The following ARHGEF12 variants were observed in gnomAD, a reference collection of about 807,000 sequenced individuals.
ARHGEF12 encodes the protein KMT2A/ARHGEF12 fusion protein.
A neutral mutation model predicts 211.2 loss-of-function variants in ARHGEF12; 66 were observed. The ratio of observed to expected loss-of-function variants is 0.31; its 90% CI spans 0.26 to 0.38. The LOEUF (loss-of-function observed/expected upper bound fraction) is 0.38, where lower values mean the gene tolerates loss of function less well. Among genes scored for constraint, ARHGEF12 ranks in the 10% least tolerant of loss-of-function variants. The pLI is 1.00. For synonymous variants in ARHGEF12, 592 were observed against 638.4 expected, an observed-to-expected ratio of 0.93 and a Z score of 1.09; for missense variants, 1,429 against 1,869.5, an observed-to-expected ratio of 0.76 and a Z score of 4.34.
intron 1 of ARHGEF12, among the ~76,000 whole-genome samples, chr11:120,338,378 C>T (rs1032105125): frequency 6.6e-6 from 1 of 152,134 alleles, no homozygotes. Context: ...TTTAAAAGGG[C>T]CAAATTCCAT....
chr11:120,426,624 A>G (rs953313783), intron 7 of ARHGEF12, among the ~76,000 whole-genome samples: 6 of 152,212 alleles, frequency 3.9e-5, no homozygotes, highest in Non-Finnish European at 7.3e-5. Context: ...ATAGAGAGCA[A>G]TAAGATTGAA....
intron 11 of ARHGEF12, 142 bp from the exon 12 acceptor site, chr11:120,437,166 G>GA (rs1945717932): frequency 1.9e-6 from 1 of 535,600 alleles, no homozygotes; most frequent in African/African-American, 2.0e-5. Context: ...AAAAGTAGCA[G>GA]AACCAAGCAT....
At chr11:120,367,629 G>C (rs889155316) in intron 1 of ARHGEF12, among the ~76,000 whole-genome samples, 1 of 152,086 alleles carries the variant, frequency 6.6e-6, no homozygotes, top group African/African-American at 2.4e-5. Context: ...CTCCCAAAGT[G>C]CTGGGATTAC....
chr11:120,448,670 T>C (rs570733780), intron 20 of ARHGEF12: 33 of 335,248 alleles, frequency 9.8e-5, no homozygotes, highest in Non-Finnish European at 1.1e-4. Flanking sequence ...GTCATGAACA[T>C]CTTTAGTGGC....
chr11:120,429,506 G>GA lies in ARHGEF12; in HGVS notation c.654dup (p.Arg219ThrfsTer62). On this transcript the variant is annotated frameshift_variant, in exon 9 of 41. Transcript: ENST00000397843. LOFTEE classifies it high-confidence loss of function. ...GAGAAAAATGTTACAGAAAGAACAG[G>GA]AACGGCTACAGGTATTAAATGAGAA... is the stretch of plus-strand genomic sequence containing the variant. 1 of 1,613,810 alleles carries GA rather than the reference G, an allele frequency of 6.2e-7. No homozygotes were observed. Among genetic ancestry groups the GA allele is most frequent in the Non-Finnish European group, 8.5e-7 (1 of 1,179,868 alleles).
At chr11:120,425,217 G>T (rs1945303886) in intron 7 of ARHGEF12, among the ~76,000 whole-genome samples, 2 of 152,198 alleles carry the variant, frequency 1.3e-5, no homozygotes, top group African/African-American at 4.8e-5. Context: ...CTAGCAGGTG[G>T]TGATGGGGTG....
At chr11:120,476,804 T>A in intron 34 of ARHGEF12, 56 bp downstream of exon 34, 1 of 1,347,386 alleles carries the variant, frequency 7.4e-7, no homozygotes, top group Non-Finnish European at 1.0e-6. Context: ...ATCCCAAGCG[T>A]AATATTCCAT....
intron 1 of ARHGEF12, among the ~76,000 whole-genome samples, chr11:120,340,354 G>C (rs2135227767): frequency 6.6e-6 from 1 of 152,282 alleles, no homozygotes; most frequent in Non-Finnish European, 1.5e-5. Context: ...AAGTTATAGG[G>C]TTCTTCCTTG....
intron 4 of ARHGEF12, among the ~76,000 whole-genome samples, 157 bp from the exon 5 acceptor site, chr11:120,420,596 T>G (rs747714741): frequency 6.6e-6 from 1 of 152,248 alleles, no homozygotes; most frequent in Non-Finnish European, 1.5e-5. Flanking sequence ...GTTTGCTTTG[T>G]TGATGGTGGT....
At chr11:120,397,264 C>T (rs2135527372) in intron 1 of ARHGEF12, among the ~76,000 whole-genome samples, 1 of 152,260 alleles carries the variant, frequency 6.6e-6, no homozygotes, top group African/African-American at 2.4e-5. Context: ...AGGTCTGTTG[C>T]CAAAACAAGC....
chr11:120,399,337 AAAAAAAAAAAAAAAG>A, intron 1 of ARHGEF12, among the ~76,000 whole-genome samples: 2 of 146,236 alleles, frequency 1.4e-5, no homozygotes, highest in Non-Finnish European at 3.0e-5. Context: ...AAAAAAAAAA[AAAAAAAAAAAAAAAG>A]AAAAGAAAGA....
At position 120,487,105 on chromosome 11, in the gene ARHGEF12, T is replaced by C. The variant is rs998202421; in HGVS notation, c.*2028T>C. 1.4e-5 allele frequency: 3 copies of C among 215,664 alleles called. No individual in the cohort carries two copies. In the Admixed American group the frequency reaches 1.8e-4, roughly 13 times the overall value. 13.4% of individuals were successfully genotyped at this position (215,664 alleles called of 1,614,324 possible). A position where few individuals can be genotyped will look rare whatever the true frequency, so the allele number is the denominator to read the frequency against. ...TTGACACTAACACCATCGAGGGCAA[T>C]TAATCAGGAGAAAAGTAAATATAAA... On this transcript the variant is annotated 3_prime_UTR_variant, in exon 41 of 41. Transcript: ENST00000397843.
rs368173705 is a variant in ARHGEF12 at position 120,443,748 on chromosome 11, A to G, written c.1302+1546A>G. ...TGTGCCTGCAGCTTCCACGAATTCAACTAACCATGGTTGAAAATATTCAAG... is the reference window on the plus strand; with the variant it reads ...TGTGCCTGCAGCTTCCACGAATTCAGCTAACCATGGTTGAAAATATTCAAG... On this transcript the variant is annotated intron_variant, in intron 15 of 40. Coordinates refer to ENST00000397843, the MANE Select transcript of ARHGEF12 (RefSeq NM_015313.3). Among the ~76,000 whole-genome samples the G allele has an allele frequency of 7.9e-5, 12 of 152,226 alleles. No homozygotes were observed. The South Asian group carries it at 2.5e-3, about 32-fold the overall frequency.
chr11:120,478,127 T>C (rs1565514224), intron 36 of ARHGEF12, 29 bp from the exon 37 acceptor site: 1 of 1,482,396 alleles, frequency 6.7e-7, no homozygotes, highest in East Asian at 2.3e-5. Context: ...TGTTTAGATA[T>C]AGTCTACCTT....
intron 1 of ARHGEF12, among the ~76,000 whole-genome samples, chr11:120,356,691 G>A (rs185388085): frequency 6.6e-6 from 1 of 152,176 alleles, no homozygotes; most frequent in East Asian, 1.9e-4. Context: ...ATACCCAGTA[G>A]GCTTCCTGGA....
In ARHGEF12 at chr11:120,477,442, T is replaced by TAG; in HGVS notation, c.3453-4_3453-3insGA. 6.8e-7 allele frequency: 1 copy of TAG among 1,476,182 alleles called. No individual in the cohort carries two copies. The highest frequency in any genetic ancestry group is 1.1e-5 in the South Asian group (1 of 87,202). 91.4% of individuals were successfully genotyped at this position (1,476,182 alleles called of 1,614,324 possible). ...AAGTTTTTTTTTTTTTTTTTTTCTC[T>TAG]ACAGAGGAGATAATGATGAAGAAGA... On this transcript the variant is annotated splice_polypyrimidine_tract_variant and splice_region_variant and intron_variant, in intron 35 of 40. Transcript: ENST00000397843.
rs538592145 is a variant in ARHGEF12, at chr11:120,396,354, G to A, written c.33-9764G>A. On this transcript the variant is annotated intron_variant, in intron 1 of 40. Transcript: ENST00000397843. Reference sequence around the variant, plus strand: ...GCTTAATCCTCTCAGATGCTAGTGTGGATTGGGCTTAGTGACTTCTTCAAA... The same window carrying A: ...GCTTAATCCTCTCAGATGCTAGTGTAGATTGGGCTTAGTGACTTCTTCAAA... Among the ~76,000 whole-genome samples the A allele has an allele frequency of 3.9e-5, 6 of 152,214 alleles. No homozygotes were observed. In the South Asian group the frequency reaches 1.2e-3, roughly 32 times the overall value.
Position 120,485,717 on chromosome 11 carries a change from C to T in ARHGEF12, c.*640C>T. 1 of 233,774 alleles carries T rather than the reference C, an allele frequency of 4.3e-6. No homozygotes were observed. Among genetic ancestry groups the T allele is most frequent in the East Asian group, 6.0e-5 (1 of 16,556 alleles). The allele number at this position is 233,774 out of a possible 1,614,324, so 14.5% of individuals were successfully genotyped here. A position where few individuals can be genotyped will look rare whatever the true frequency, so the allele number is the denominator to read the frequency against. On this transcript the variant is annotated 3_prime_UTR_variant, in exon 41 of 41. Transcript: ENST00000397843. ...CAAAGGTATGCTATGCCGTGTGGCT[C>T]TTATGTGCCCAGGTGGTGTGGTCAG...
At chr11:120,345,701 CAAAAAAAAAAA>C (rs34619240) in intron 1 of ARHGEF12, among the ~76,000 whole-genome samples, 1 of 78,376 alleles carries the variant, frequency 1.3e-5, no homozygotes, top group Non-Finnish European at 2.2e-5. Context: ...GACTCCGTCT[CAAAAAAAAAAA>C]AAAAAAAAAC....
Sources: gnomAD v4.1 joint callset for allele counts (sites outside exome capture counted in the v4.1 genomes callset) on GRCh38, gnomAD v4.1.1 for gene constraint, MANE v1.5 for transcripts, NCBI Gene and HGNC (gene_info 2026-07-23, HGNC 2026-07-21) for gene names.